Variants in MAGT1 observed in about 807,000 individuals in gnomAD.
MAGT1 encodes the protein dolichyl-diphosphooligosaccharide--protein glycosyltransferase subunit MAGT1.
MAGT1 carries 4 observed loss-of-function variants against 28.4 expected under a neutral mutation model. The observed-to-expected ratio is 0.14, with a 90% confidence interval of 0.07 to 0.32. MAGT1 has a LOEUF of 0.32. Ranked by LOEUF, MAGT1 falls within the 10% of genes least tolerant of loss-of-function variation. MAGT1 has a pLI of 1.00. For missense variants in MAGT1, 193 were observed against 264.5 expected (o/e 0.73, Z 1.88); for synonymous variants, 89 against 89.7 (o/e 0.99, Z 0.04).
At position 77,893,264 on chromosome X, in the gene MAGT1, A is replaced by G. The variant is rs1324407153; in HGVS notation, c.102+2045T>C. On this transcript the variant is annotated intron_variant, in intron 1 of 9. Transcript: ENST00000618282. ...GAAGAAAGAAGATACTGTTTGAGCT[A>G]AGACTTGAAGAGTAGGAATCTTCAG... Among the ~76,000 whole-genome samples the G allele has an allele frequency of 4.4e-5, 5 of 112,392 alleles. No individual in the cohort carries two copies. The East Asian group carries it at 1.4e-3, about 31-fold the overall frequency.
At chrX:77,847,228 A>T (rs782817767) in intron 7 of MAGT1, among the ~76,000 whole-genome samples, 15 of 112,632 alleles carry the variant, frequency 1.3e-4, no homozygotes, top group African/African-American at 4.5e-4. Flanking sequence ...AGGACCCTCC[A>T]AGCCAGGTGT....
chrX:77,893,485 A>C lies in MAGT1; in HGVS notation c.102+1824T>G, dbSNP rs782245612. On this transcript the variant is annotated intron_variant, in intron 1 of 9. Coordinates refer to ENST00000618282, the MANE Select transcript of MAGT1 (RefSeq NM_001367916.1). Reference sequence around the variant, plus strand: ...CAGTGCTGATTCCTTTAAAAAAAAAACAAAACCTATTTTCAGCTAGGCTGT... The same window carrying C: ...CAGTGCTGATTCCTTTAAAAAAAAACCAAAACCTATTTTCAGCTAGGCTGT... 8.0e-5 allele frequency among the ~76,000 whole-genome samples: 9 copies of C among 112,082 alleles called. No homozygotes were observed. The South Asian group carries it at 3.3e-3, about 41-fold the overall frequency.
rs781947761 is a variant in MAGT1 at position 77,845,504 on chromosome X, C to T, written c.827-4184G>A. On this transcript the variant is annotated intron_variant, in intron 7 of 9. Coordinates refer to ENST00000618282, the MANE Select transcript of MAGT1 (RefSeq NM_001367916.1). The stretch of plus-strand genomic sequence containing the variant: ...CATTATGTTAGCTGGTTATTTTGCT[C>T]GTTAGTTGATGCAGTTTCTTCCTAG... 1.2e-4 allele frequency among the ~76,000 whole-genome samples: 13 copies of T among 111,518 alleles called. No homozygotes were observed. The South Asian group carries it at 2.6e-3, about 23-fold the overall frequency.
At chrX:77,881,331 T>C (rs1426754360) in intron 1 of MAGT1, among the ~76,000 whole-genome samples, 1 of 110,369 alleles carries the variant, frequency 9.1e-6, no homozygotes, top group Non-Finnish European at 1.9e-5. Flanking sequence ...GTTTGTTACA[T>C]ATGTATACAT....
At chrX:77,836,641 G>A (rs980858191) in intron 8 of MAGT1, among the ~76,000 whole-genome samples, 6 of 111,971 alleles carry the variant, frequency 5.4e-5, no homozygotes, top group Admixed American at 1.9e-4. Context: ...GATGGCTCAC[G>A]CCTGTAAATC....
chrX:77,873,807 C>T (rs782430864), intron 2 of MAGT1, among the ~76,000 whole-genome samples: 4 of 111,296 alleles, frequency 3.6e-5, no homozygotes, highest in South Asian at 7.4e-4. Context: ...TCAAAATCTA[C>T]AATACATTAA....
chrX:77,852,599 C>A (rs1258919536), intron 7 of MAGT1, among the ~76,000 whole-genome samples: 1 of 109,003 alleles, frequency 9.2e-6, no homozygotes, highest in Non-Finnish European at 1.9e-5. Context: ...TTTTTTTTCC[C>A]TTTTTTATTA....
In MAGT1 at chrX:77,827,800, ACT is replaced by A. The variant is rs782178509; in HGVS notation, c.*1418_*1419del. 9.0e-6 allele frequency: 1 copy of A among 110,769 alleles called. No homozygotes were observed. Among genetic ancestry groups the A allele is most frequent in the Non-Finnish European group, 1.9e-5 (1 of 52,948 alleles). The allele number at this position is 110,769 out of a possible 1,213,427, so 9.1% of individuals were successfully genotyped here. On this transcript the variant is annotated 3_prime_UTR_variant, in exon 10 of 10. Transcript: ENST00000618282. ...TAGGTACAAATGGAATAAGTGACAA[ACT>A]CTAATTTGTAGAAACATTTTAGGCC...
rs1395775377 is a variant in MAGT1, at chrX:77,827,820, T to C, written c.*1400A>G. On this transcript the variant is annotated 3_prime_UTR_variant, in exon 10 of 10. Transcript: ENST00000618282. ...GACAAACTCTAATTTGTAGAAACAT[T>C]TTAGGCCATGTATAAGTTACACTGA... The C allele has an allele frequency of 9.0e-6, 1 of 111,339 alleles. No homozygotes were observed. The highest frequency in any genetic ancestry group is 1.9e-5 in the Non-Finnish European group (1 of 53,078). The allele number at this position is 111,339 out of a possible 1,213,427, so 9.2% of individuals were successfully genotyped here.
chrX:77,845,028 A>G (rs2076947318), intron 7 of MAGT1, among the ~76,000 whole-genome samples: 1 of 110,721 alleles, frequency 9.0e-6, no homozygotes, highest in South Asian at 3.9e-4. Flanking sequence ...GGATCTGTCT[A>G]ATGTTGACAG....
chrX:77,883,334 A>G (rs2149028136), intron 1 of MAGT1, among the ~76,000 whole-genome samples: 1 of 105,601 alleles, frequency 9.5e-6, no homozygotes, highest in Non-Finnish European at 1.9e-5. Context: ...GACCATGTAT[A>G]ATAATTATTG....
intron 3 of MAGT1, chrX:77,868,544 G>T (rs1309511691): frequency 5.4e-6 from 1 of 186,198 alleles, no homozygotes; most frequent in East Asian, 1.6e-4. Flanking sequence ...GGCTGAGGCA[G>T]AAGAATCACT....
chrX:77,880,767 G>A (rs2077049603), intron 1 of MAGT1, among the ~76,000 whole-genome samples: 1 of 108,766 alleles, frequency 9.2e-6, no homozygotes, highest in East Asian at 2.9e-4. Flanking sequence ...AGACCAGCCT[G>A]GCTAACATGG....
intron 7 of MAGT1, among the ~76,000 whole-genome samples, chrX:77,846,846 G>T (rs371942371): frequency 7.2e-4 from 81 of 111,914 alleles, no homozygotes; most frequent in African/African-American, 1.5e-3. Flanking sequence ...TGTCCCTACT[G>T]GGGGATGCCT....
In MAGT1 at chrX:77,874,297, A is replaced by T. The variant is rs781958990; in HGVS notation, c.272+1131T>A. ...CACACCCAGCTGCATCTTTTTTTTA[A>T]AAAAAAAAAAACATTACCAGCTGGG... On this transcript the variant is annotated intron_variant, in intron 2 of 9. Coordinates refer to ENST00000618282, the MANE Select transcript of MAGT1 (RefSeq NM_001367916.1). 2.8e-4 allele frequency among the ~76,000 whole-genome samples: 29 copies of T among 103,384 alleles called. 1 individual carries two copies. Among genetic ancestry groups the T allele is most frequent in the African/African-American group, 8.3e-4 (24 of 28,762 alleles). 89.8% of individuals were successfully genotyped at this position (103,384 alleles called of 115,157 possible).
chrX:77,845,579 T>C (rs2076949067), intron 7 of MAGT1, among the ~76,000 whole-genome samples: 1 of 111,875 alleles, frequency 8.9e-6, no homozygotes, highest in Non-Finnish European at 1.9e-5. Context: ...CTGGTGCCGG[T>C]TGTTCCTTTC....
At chrX:77,886,844 A>G (rs377152211) in intron 1 of MAGT1, among the ~76,000 whole-genome samples, 1 of 111,608 alleles carries the variant, frequency 9.0e-6, no homozygotes, top group African/African-American at 3.3e-5. Context: ...TACATGTTAT[A>G]TAAATTTCTA....
chrX:77,875,338 A>T, intron 2 of MAGT1, 90 bp downstream of exon 2: 1 of 835,248 alleles, frequency 1.2e-6, no homozygotes, highest in Non-Finnish European at 1.8e-6. Flanking sequence ...TTATTTAAGT[A>T]CCTACTGCAC....
At chrX:77,845,574 G>A (rs1044842655) in intron 7 of MAGT1, among the ~76,000 whole-genome samples, 4 of 111,752 alleles carry the variant, frequency 3.6e-5, no homozygotes, top group Non-Finnish European at 5.6e-5. Flanking sequence ...AGTGGCTGGT[G>A]CCGGTTGTTC....
Sources: allele counts gnomAD v4.1 joint callset (sites outside exome capture counted in the v4.1 genomes callset), GRCh38; gene constraint gnomAD v4.1.1; transcripts MANE v1.5; gene names NCBI Gene and HGNC (gene_info 2026-07-23, HGNC 2026-07-21).